IQSEC2: variants seen among roughly 807,000 people sequenced by gnomAD.
IQSEC2 encodes the protein IQ motif and SEC7 domain-containing protein 2.
A neutral mutation model predicts 74.6 loss-of-function variants in IQSEC2; 6 were observed. The ratio of observed to expected loss-of-function variants is 0.08; its 90% CI spans 0.04 to 0.16. IQSEC2 has a LOEUF of 0.16. IQSEC2 is among the 10% of genes least tolerant of loss of function. The pLI, the probability that IQSEC2 is intolerant of heterozygous loss-of-function variation, is 1.00. For missense variants in IQSEC2, 734 were observed against 1,306.2 expected, an observed-to-expected ratio of 0.56 and a Z score of 6.75; for synonymous variants, 494 against 544.5, an observed-to-expected ratio of 0.91 and a Z score of 1.29.
At chrX:53,289,974 C>A (rs782790964) in intron 2 of IQSEC2, among the ~76,000 whole-genome samples, 105 of 111,964 alleles carry the variant, frequency 9.4e-4, no homozygotes, top group African/African-American at 3.3e-3. Context: ...ATGTGAGGAA[C>A]AAATGGTGAT....
chrX:53,276,325 A>G (rs1279388013), intron 2 of IQSEC2, among the ~76,000 whole-genome samples: 1 of 111,779 alleles, frequency 8.9e-6, no homozygotes, highest in Non-Finnish European at 1.9e-5. Context: ...TGTGAATGGG[A>G]TCTTTTCTAT....
chrX:53,306,448 G>A (rs920961551), intron 1 of IQSEC2, among the ~76,000 whole-genome samples: 1 of 111,223 alleles, frequency 9.0e-6, no homozygotes, highest in Non-Finnish European at 1.9e-5. Flanking sequence ...TGAGGAAAGG[G>A]GTGCTCTGGA....
intron 4 of IQSEC2, among the ~76,000 whole-genome samples, chrX:53,253,546 C>T (rs1412141859): frequency 8.9e-6 from 1 of 112,350 alleles, no homozygotes; most frequent in South Asian, 3.7e-4. Flanking sequence ...GTATTTCTAA[C>T]TTGCTAAATC....
chrX:53,308,339 T>G (rs1556877229), intron 1 of IQSEC2, among the ~76,000 whole-genome samples: 1 of 109,724 alleles, frequency 9.1e-6, no homozygotes, highest in Non-Finnish European at 1.9e-5. Context: ...ACTTCTGATA[T>G]GAGCACTTTT....
Position 53,233,852 on chromosome X carries a change from CAGAGCTCACAG to C in IQSEC2, c.*356_*366del. 3.4e-6 allele frequency: 1 copy of C among 297,857 alleles called. No individual in the cohort carries two copies. The highest frequency in any genetic ancestry group is 5.9e-6 in the Non-Finnish European group (1 of 170,454). 24.5% of individuals were successfully genotyped at this position (297,857 alleles called of 1,213,427 possible). A position where few individuals can be genotyped will look rare whatever the true frequency, so the allele number is the denominator to read the frequency against. ...CGGACACCTGCCCTTCTCCGCCAGC[CAGAGCTCACAG>C]AGAGCTCACACAGGCCCAGAGGTCT... is the stretch of plus-strand genomic sequence containing the variant. On this transcript the variant is annotated 3_prime_UTR_variant, in exon 15 of 15. Transcript: ENST00000642864.
At chrX:53,257,370 C>T (rs1055719972) in intron 2 of IQSEC2, among the ~76,000 whole-genome samples, 25 of 112,591 alleles carry the variant, frequency 2.2e-4, no homozygotes, top group African/African-American at 8.1e-4. Context: ...GGCCCGGTCC[C>T]GGGCTGCAGC....
chrX:53,297,343 C>A (rs1214383492), intron 1 of IQSEC2, among the ~76,000 whole-genome samples: 1 of 110,489 alleles, frequency 9.1e-6, no homozygotes, highest in Non-Finnish European at 1.9e-5. Context: ...TATATTTTTT[C>A]TTTTTTGAGA....
chrX:53,260,165 A>T (rs1223899795), intron 2 of IQSEC2, among the ~76,000 whole-genome samples: 1 of 111,979 alleles, frequency 8.9e-6, no homozygotes, highest in Admixed American at 9.5e-5. Flanking sequence ...GCTGTTTGAG[A>T]AGTGGTGCTC....
intron 1 of IQSEC2, among the ~76,000 whole-genome samples, chrX:53,300,130 C>T (rs1556875183): frequency 8.9e-6 from 1 of 111,761 alleles, no homozygotes; most frequent in East Asian, 2.8e-4. Context: ...GATGTACCTT[C>T]AGTACCTCTC....
rs1556863127 is a variant in IQSEC2, at chrX:53,250,596, C to A, written c.1980G>T (p.Gly660=). 1 of 1,207,775 alleles carries A rather than the reference C, an allele frequency of 8.3e-7. No homozygotes were observed. The highest frequency in any genetic ancestry group is 1.7e-5 in the African/African-American group (1 of 57,378). ...CACTGTTGGGGGCTGGTGGCAGGGG[C>A]CCTGGTGGGGCTGGGGCTGGGCCTT... ...APEGPAPAPP[G]PLPPAPNSGT... is the part of the protein sequence containing the mutation. The change falls in exon 5 of 15, where the codon GGG becomes GGT. Residue 660 remains glycine (G), a synonymous_variant. Transcript: ENST00000642864.
intron 1 of IQSEC2, among the ~76,000 whole-genome samples, chrX:53,313,640 G>A (rs2075341564): frequency 8.9e-6 from 1 of 112,186 alleles, no homozygotes; most frequent in South Asian, 3.7e-4. Context: ...AGGCAGAGGG[G>A]CCAAGTCTTA....
chrX:53,289,748 G>C (rs151090009), intron 2 of IQSEC2, among the ~76,000 whole-genome samples: 113 of 111,488 alleles, frequency 1.0e-3, no homozygotes, highest in African/African-American at 3.4e-3. Context: ...CCCAGATGCT[G>C]ACTCCTCTAG....
At chrX:53,281,778 C>T (rs2074969251) in intron 2 of IQSEC2, among the ~76,000 whole-genome samples, 1 of 112,388 alleles carries the variant, frequency 8.9e-6, no homozygotes, top group African/African-American at 3.2e-5. Context: ...AGGCTGGGCT[C>T]CCTCAGTGCA....
At chrX:53,252,155 G>C (rs1295033064) in intron 4 of IQSEC2, among the ~76,000 whole-genome samples, 3 of 112,118 alleles carry the variant, frequency 2.7e-5, no homozygotes, top group African/African-American at 9.7e-5. Context: ...GCACCTCCCA[G>C]GTTCAAGCGA....
chrX:53,278,003 C>CTTTTTTTTTTTTTTTT (rs36027805), intron 2 of IQSEC2, among the ~76,000 whole-genome samples: 22 of 37,562 alleles, frequency 5.9e-4, no homozygotes, highest in East Asian at 9.4e-4. Context: ...TTTTCTTTTT[C>CTTTTTTTTTTTTTTTT]TTTTTTTTTT....
rs375730997 is a variant in IQSEC2, at chrX:53,256,670, G to A, written c.738-609C>T. Among the ~76,000 whole-genome samples the A allele has an allele frequency of 2.1e-4, 24 of 112,162 alleles. 1 individual carries two copies. The highest frequency in any genetic ancestry group is 2.0e-3 in the East Asian group (7 of 3,527). ...CCCTGCCCCCTGGTGCCTGGACTCC[G>A]GGCCAGGCCAAGCCAGTTCCCAGGG... On this transcript the variant is annotated intron_variant, in intron 2 of 14. Coordinates refer to ENST00000642864, the MANE Select transcript of IQSEC2 (RefSeq NM_001111125.3).
At chrX:53,284,527 C>T (rs1252652103) in intron 2 of IQSEC2, among the ~76,000 whole-genome samples, 1 of 111,429 alleles carries the variant, frequency 9.0e-6, no homozygotes, top group Non-Finnish European at 1.9e-5. Flanking sequence ...GCTGGCTCCC[C>T]CTTGTTCTTC....
chrX:53,256,780 G>A (rs1020678328), intron 2 of IQSEC2, among the ~76,000 whole-genome samples: 7 of 112,748 alleles, frequency 6.2e-5, no homozygotes, highest in Non-Finnish European at 1.3e-4. Context: ...ATCCTCACAG[G>A]TAAAGAGCAG....
chrX:53,299,169 C>T (rs1310837273), intron 1 of IQSEC2, among the ~76,000 whole-genome samples: 1 of 110,832 alleles, frequency 9.0e-6, no homozygotes, highest in Admixed American at 9.7e-5. Flanking sequence ...CCTCAGCCCC[C>T]TCAAAATGCT....
Sources: allele counts gnomAD v4.1 joint callset (sites outside exome capture counted in the v4.1 genomes callset), GRCh38; gene constraint gnomAD v4.1.1; transcripts MANE v1.5; gene names NCBI Gene and HGNC (gene_info 2026-07-23, HGNC 2026-07-21).